GRM7: variants seen among roughly 807,000 people sequenced by gnomAD.
GRM7 encodes the protein metabotropic glutamate receptor 7.
In GRM7, 35 loss-of-function variants were observed where a neutral mutation model predicts 84.5. The ratio of observed to expected loss-of-function variants is 0.41; its 90% CI spans 0.32 to 0.55. GRM7 has a LOEUF of 0.55. GRM7 is among the 20% of genes least tolerant of loss of function. GRM7 has a pLI of 0.19. For synonymous variants in GRM7, 487 were observed against 455.1 expected (o/e 1.07, Z -0.89); for missense variants, 1,003 against 1,194.6 (o/e 0.84, Z 2.36).
intron 1 of GRM7, among the ~76,000 whole-genome samples, chr3:6,911,709 C>T (rs1254153426): frequency 1.3e-5 from 2 of 151,996 alleles, no homozygotes; most frequent in African/African-American, 2.4e-5. Context: ...TACTTTAGCT[C>T]TTGCTTATTT....
At position 7,542,492 on chromosome 3, in the gene GRM7, G is replaced by A. The variant is rs1370842104; in HGVS notation, c.1516-35930G>A. On this transcript the variant is annotated intron_variant, in intron 7 of 9. Transcript: ENST00000357716. ...TTCTATTCCACCCTTTCTTAAGCAT[G>A]TCTTTATTCTACTTTTTCATTCTTT... is the stretch of plus-strand genomic sequence containing the variant. Among the ~76,000 whole-genome samples the A allele has an allele frequency of 2.6e-5, 4 of 151,336 alleles. No homozygotes were observed. In the East Asian group the frequency reaches 7.8e-4, roughly 29 times the overall value.
intron 8 of GRM7, among the ~76,000 whole-genome samples, chr3:7,665,206 C>T (rs931648259): frequency 3.7e-5 from 5 of 134,294 alleles, no homozygotes; most frequent in African/African-American, 1.4e-4. Flanking sequence ...GAGTCTCACT[C>T]TGTGGCCCAG....
chr3:7,597,507 C>A (rs752020876), intron 8 of GRM7, among the ~76,000 whole-genome samples: 1 of 152,174 alleles, frequency 6.6e-6, no homozygotes, highest in African/African-American at 2.4e-5. Context: ...AGTTTGCTGA[C>A]CCCTGCAGTC....
intron 7 of GRM7, among the ~76,000 whole-genome samples, chr3:7,555,733 C>T (rs1160918757): frequency 6.6e-6 from 1 of 152,106 alleles, no homozygotes; most frequent in Non-Finnish European, 1.5e-5. Flanking sequence ...TAAAACATTA[C>T]TCATAACAGT....
chr3:7,673,221 G>GA lies in GRM7; in HGVS notation c.2452-6822dup, dbSNP rs1281028335. On this transcript the variant is annotated intron_variant, in intron 8 of 9. Coordinates refer to ENST00000357716, the MANE Select transcript of GRM7 (RefSeq NM_000844.4). The stretch of plus-strand genomic sequence containing the variant: ...ATGAGGAAACAGAAGCACACAAATA[G>GA]AAAAAATGCTACTAATAGACTACAA... 2.0e-5 allele frequency among the ~76,000 whole-genome samples: 3 copies of GA among 152,132 alleles called. No individual in the cohort carries two copies. The East Asian group carries it at 5.8e-4, about 29-fold the overall frequency.
chr3:6,994,278 T>C (rs17046521), intron 1 of GRM7, among the ~76,000 whole-genome samples: 2,529 of 152,168 alleles, frequency 0.017, 67 homozygotes, highest in African/African-American at 0.055. Flanking sequence ...AGGAGCAATG[T>C]GGGTAGAGAT....
intron 8 of GRM7, among the ~76,000 whole-genome samples, chr3:7,614,720 C>T (rs535821190): frequency 1.3e-5 from 2 of 152,272 alleles, no homozygotes; most frequent in South Asian, 2.1e-4. Context: ...TTACAATATA[C>T]AGGCATTCTT....
chr3:7,645,274 C>T (rs543437029), intron 8 of GRM7, among the ~76,000 whole-genome samples: 6 of 152,182 alleles, frequency 3.9e-5, no homozygotes, highest in African/African-American at 4.8e-5. Flanking sequence ...GTTGGCTGGG[C>T]ACAGTGGCTC....
At chr3:7,356,120 T>G (rs1693387260) in intron 4 of GRM7, among the ~76,000 whole-genome samples, 1 of 152,106 alleles carries the variant, frequency 6.6e-6, no homozygotes, top group Non-Finnish European at 1.5e-5. Context: ...TACTGATTTA[T>G]GGACTGTAGC....
intron 1 of GRM7, among the ~76,000 whole-genome samples, chr3:7,057,521 A>G (rs1697271351): frequency 6.6e-6 from 1 of 151,986 alleles, no homozygotes; most frequent in African/African-American, 2.4e-5. Flanking sequence ...AACACGCAAC[A>G]GCTGCCTTTT....
At chr3:7,575,859 A>G (rs1188461389) in intron 7 of GRM7, among the ~76,000 whole-genome samples, 1 of 147,160 alleles carries the variant, frequency 6.8e-6, no homozygotes, top group Non-Finnish European at 1.5e-5. Context: ...ATAAGTTAAG[A>G]AAAAAAAAGC....
intron 5 of GRM7, among the ~76,000 whole-genome samples, chr3:7,445,779 C>T (rs182246204): frequency 1.3e-5 from 2 of 152,246 alleles, no homozygotes; most frequent in Admixed American, 6.5e-5. Flanking sequence ...AATGCATACC[C>T]TTGAGGGGGA....
intron 7 of GRM7, among the ~76,000 whole-genome samples, chr3:7,518,628 G>A (rs1700479434): frequency 6.6e-6 from 1 of 152,158 alleles, no homozygotes; most frequent in Non-Finnish European, 1.5e-5. Flanking sequence ...TAATACCAGA[G>A]CTGCCAGCTC....
intron 1 of GRM7, among the ~76,000 whole-genome samples, chr3:7,059,899 G>A (rs983303251): frequency 1.3e-5 from 2 of 151,798 alleles, no homozygotes; most frequent in South Asian, 2.1e-4. Context: ...AGAACTATGA[G>A]AAAGATATTT....
intron 2 of GRM7, among the ~76,000 whole-genome samples, chr3:7,203,888 G>T (rs946670189): frequency 1.3e-4 from 20 of 152,026 alleles, no homozygotes; most frequent in African/African-American, 4.8e-4. Context: ...TTGATTCCAG[G>T]CTAACCAGGA....
chr3:7,132,616 C>T (rs1693640383), intron 1 of GRM7, among the ~76,000 whole-genome samples: 1 of 152,100 alleles, frequency 6.6e-6, no homozygotes, highest in Non-Finnish European at 1.5e-5. Context: ...GCATAGCTTA[C>T]CTCCTTTTAT....
chr3:6,889,266 A>G (rs978134110), intron 1 of GRM7, among the ~76,000 whole-genome samples: 12 of 152,246 alleles, frequency 7.9e-5, no homozygotes, highest in Admixed American at 7.9e-4. Context: ...TTCCAACACT[A>G]TATTGAATAG....
At chr3:7,473,531 A>AGAGAGAGAGAGAGAGAGAGAGAGAGAGAG (rs56720815) in intron 7 of GRM7, among the ~76,000 whole-genome samples, 3 of 146,906 alleles carry the variant, frequency 2.0e-5, no homozygotes, top group African/African-American at 5.0e-5. Context: ...AGAGAGAGAG[A>AGAGAGAGAGAGAGAGAGAGAGAGAGAGAG]AACACCTTGA....
At chr3:7,492,495 G>A (rs1699556869) in intron 7 of GRM7, among the ~76,000 whole-genome samples, 1 of 152,036 alleles carries the variant, frequency 6.6e-6, no homozygotes, top group African/African-American at 2.4e-5. Context: ...TGAGAATGAA[G>A]CTGTTGGTTG....
Sources: allele counts gnomAD v4.1 joint callset (sites outside exome capture counted in the v4.1 genomes callset), GRCh38; gene constraint gnomAD v4.1.1; transcripts MANE v1.5; gene names NCBI Gene and HGNC (gene_info 2026-07-23, HGNC 2026-07-21).